Variants in METTL22 observed in about 807,000 individuals in gnomAD.
METTL22 encodes methyltransferase-like protein 22.
A neutral mutation model predicts 48.4 loss-of-function variants in METTL22; 51 were observed. The ratio of observed to expected loss-of-function variants is 1.05; its 90% CI spans 0.84 to 1.33. METTL22 has a LOEUF of 1.33. Among genes scored for constraint, METTL22 ranks in the 40% most tolerant of loss-of-function variants. The pLI is 0.00. For missense variants in METTL22, 678 were observed against 526.9 expected (o/e 1.29, Z -2.81); for synonymous variants, 255 against 214.1 (o/e 1.19, Z -1.67).
chr16:8,623,174 C>T (rs890689936), intron 1 of METTL22, among the ~76,000 whole-genome samples: 30 of 151,998 alleles, frequency 2.0e-4, no homozygotes, highest in African/African-American at 5.1e-4. Flanking sequence ...ATTAGGTGGA[C>T]ATTGTGGTGC....
At chr16:8,635,815 A>G (rs1263698515) in intron 5 of METTL22, among the ~76,000 whole-genome samples, 4 of 152,216 alleles carry the variant, frequency 2.6e-5, no homozygotes, top group Non-Finnish European at 4.4e-5. Flanking sequence ...TTCTAGATGT[A>G]GGAGGCCCTG....
chr16:8,631,349 A>C (rs1297287575), intron 3 of METTL22: 1 of 152,238 alleles, frequency 6.6e-6, no homozygotes, highest in Non-Finnish European at 1.5e-5. Flanking sequence ...GTAGAAATAA[A>C]GTGAGACCCC....
chr16:8,653,221 A>G (rs986682677), downstream of METTL22, among the ~76,000 whole-genome samples: 4 of 152,228 alleles, frequency 2.6e-5, no homozygotes, highest in Non-Finnish European at 5.9e-5. Flanking sequence ...TGATAAACAG[A>G]CTGATGAATC....
chr16:8,664,044 A>G, the METTL22 span, among the ~76,000 whole-genome samples: 6 of 151,888 alleles, frequency 4.0e-5, no homozygotes, highest in African/African-American at 1.5e-4. Context: ...TGGGCTAGGC[A>G]ATGATCTTTC....
At chr16:8,662,425 G>T in the METTL22 span, among the ~76,000 whole-genome samples, 1 of 144,776 alleles carries the variant, frequency 6.9e-6, no homozygotes, top group Non-Finnish European at 1.5e-5. Context: ...GGATTGAAGG[G>T]TTTGACATGC....
intron 9 of METTL22, 95 bp downstream of exon 9, chr16:8,642,660 TACTC>T: frequency 8.5e-7 from 1 of 1,172,366 alleles, no homozygotes; most frequent in South Asian, 1.2e-5. Context: ...TTATGATTGT[TACTC>T]AGTGCCACTT....
chr16:8,658,032 G>C, the METTL22 span, among the ~76,000 whole-genome samples: 4 of 152,106 alleles, frequency 2.6e-5, no homozygotes, highest in African/African-American at 4.8e-5. Context: ...GCCCAGGCTG[G>C]TCTCAAACTC....
chr16:8,639,045 G>C, intron 5 of METTL22, 46 bp from the exon 6 acceptor site: 1 of 1,597,174 alleles, frequency 6.3e-7, no homozygotes, highest in Non-Finnish European at 8.6e-7. Context: ...GGAGATAAAA[G>C]TGTCGTAGTG....
chr16:8,659,815 C>T, the METTL22 span, among the ~76,000 whole-genome samples: 1 of 151,944 alleles, frequency 6.6e-6, no homozygotes, highest in Non-Finnish European at 1.5e-5. Flanking sequence ...CCTCGACCTC[C>T]TGGGCTCAAG....
chr16:8,637,713 C>G (rs935209868), intron 5 of METTL22, among the ~76,000 whole-genome samples: 1 of 152,218 alleles, frequency 6.6e-6, no homozygotes, highest in Non-Finnish European at 1.5e-5. Context: ...CTCCCACAAG[C>G]TGGCCGAGGG....
chr16:8,663,036 C>T, the METTL22 span, among the ~76,000 whole-genome samples: 3 of 149,802 alleles, frequency 2.0e-5, no homozygotes, highest in African/African-American at 4.9e-5. Flanking sequence ...GGTGAAACCC[C>T]GTCTCTACTA....
intron 3 of METTL22, among the ~76,000 whole-genome samples, chr16:8,630,737 C>T (rs536544283): frequency 8.5e-5 from 13 of 152,278 alleles, no homozygotes; most frequent in African/African-American, 2.4e-4. Flanking sequence ...TGCCCTGTTC[C>T]GGTGACCTCA....
chr16:8,660,815 GAGGAGGAGGAGGA>G, the METTL22 span, among the ~76,000 whole-genome samples: 1 of 6,988 alleles, frequency 1.4e-4, no homozygotes, highest in African/African-American at 2.7e-4. Context: ...GGAGGAGGAG[GAGGAGGAGGAGGA>G]GGGGGAGGAG....
At position 8,642,194 on chromosome 16, in the gene METTL22, G is replaced by A. The variant is rs2056640143; in HGVS notation, c.894G>A (p.Leu298=). The part of the protein sequence containing the change: ...ISDLYDHTTI[L]FAAEVFYDDD... ...ACTTGTACGATCACACCACCATCCTGTTTGCAGCCGAAGGTAAGAAAATTT... is the reference window on the plus strand; with the variant it reads ...ACTTGTACGATCACACCACCATCCTATTTGCAGCCGAAGGTAAGAAAATTT... Residue 298 remains leucine, a synonymous_variant, in exon 8 of 11, where the codon CTG becomes CTA. Transcript: ENST00000381920. 2 of 1,613,228 alleles carry A rather than the reference G, an allele frequency of 1.2e-6. No individual in the cohort carries two copies. The highest frequency in any genetic ancestry group is 1.7e-5 in the Admixed American group (1 of 60,004).
intron 2 of METTL22, 44 bp downstream of exon 2, chr16:8,625,842 T>C: frequency 6.2e-7 from 1 of 1,608,670 alleles, no homozygotes; most frequent in Non-Finnish European, 8.5e-7. Flanking sequence ...TATTTTGTTT[T>C]CTGCTTTCTC....
intron 3 of METTL22, among the ~76,000 whole-genome samples, chr16:8,634,552 TA>T (rs1322481167): frequency 2.0e-5 from 3 of 151,870 alleles, no homozygotes; most frequent in Non-Finnish European, 4.4e-5. Flanking sequence ...AATTTAAACT[TA>T]TTTTTTTGTT....
chr16:8,628,812 T>A lies in METTL22; in HGVS notation c.216T>A (p.Val72=). 6.2e-7 allele frequency: 1 copy of A among 1,614,170 alleles called. No individual in the cohort carries two copies. Among genetic ancestry groups the A allele is most frequent in the Non-Finnish European group, 8.5e-7 (1 of 1,180,042 alleles). ...SGAKGGSHRD[V]HTKEPPSAET... ...CCAAGGGTGGCAGTCACAGAGATGTTCACACAAAGGAGCCTCCTTCTGCTG... is the reference window on the plus strand; with the variant it reads ...CCAAGGGTGGCAGTCACAGAGATGTACACACAAAGGAGCCTCCTTCTGCTG... The change falls in exon 3 of 11, where the codon GTT becomes GTA. Residue 72 remains valine, a synonymous_variant. Coordinates refer to ENST00000381920, the MANE Select transcript of METTL22 (RefSeq NM_024109.4).
chr16:8,644,226 G>C (rs1008888604), intron 9 of METTL22, among the ~76,000 whole-genome samples: 1 of 152,204 alleles, frequency 6.6e-6, no homozygotes, highest in African/African-American at 2.4e-5. Context: ...ACCAGATTCT[G>C]TGCTGGGTGC....
intron 7 of METTL22, chr16:8,641,914 A>C: frequency 1.6e-6 from 1 of 609,250 alleles, no homozygotes. Flanking sequence ...TAGAGCAGAC[A>C]CTCAGCAGAA....
Sources: allele counts gnomAD v4.1 joint callset (sites outside exome capture counted in the v4.1 genomes callset), GRCh38; gene constraint gnomAD v4.1.1; transcripts MANE v1.5; gene names NCBI Gene and HGNC (gene_info 2026-07-23, HGNC 2026-07-21).